The following NFATC2 variants were observed in gnomAD, a reference collection of about 807,000 sequenced individuals.
The protein encoded by NFATC2 is nuclear factor of activated T-cells, cytoplasmic 2.
In NFATC2, 22 loss-of-function variants were observed where a neutral mutation model predicts 87.3. That is an observed-to-expected ratio of 0.25 (90% CI 0.18 to 0.36). The LOEUF (loss-of-function observed/expected upper bound fraction) is 0.36, where lower values mean the gene tolerates loss of function less well. Ranked by LOEUF, NFATC2 falls within the 10% of genes least tolerant of loss-of-function variation. The pLI, the probability that NFATC2 is intolerant of heterozygous loss-of-function variation, is 1.00. For synonymous variants in NFATC2, 565 were observed against 542.2 expected (o/e 1.04, Z -0.58); for missense variants, 1,149 against 1,259.1 (o/e 0.91, Z 1.32).
chr20:51,477,553 ATATATATATATATATATATATAT>A (rs1451401138), intron 3 of NFATC2, among the ~76,000 whole-genome samples: 1,650 of 116,144 alleles, frequency 0.014, 57 homozygotes, highest in African/African-American at 0.043. Flanking sequence ...ATATATATAT[ATATATATATATATATATATATAT>A]ATATAAAATA....
At chr20:51,463,981 CA>C (rs10711232) in intron 5 of NFATC2, among the ~76,000 whole-genome samples, 21,593 of 150,316 alleles carry the variant, frequency 0.14, 1,930 homozygotes, top group African/African-American at 0.25. Flanking sequence ...CTGGGCTCTC[CA>C]AAAAAAAACA....
At chr20:51,537,219 AGAGGGAGTG>A (rs2076735243) in intron 1 of NFATC2, among the ~76,000 whole-genome samples, 1 of 81,218 alleles carries the variant, frequency 1.2e-5, no homozygotes, top group African/African-American at 4.9e-5. Flanking sequence ...GGGGGATATG[AGAGGGAGTG>A]GAGAGGGGAG....
intron 5 of NFATC2, among the ~76,000 whole-genome samples, chr20:51,463,604 G>A (rs937507525): frequency 6.6e-6 from 1 of 152,130 alleles, no homozygotes; most frequent in Admixed American, 6.6e-5. Context: ...AGGAACCCAG[G>A]CAGCCGGGAC....
rs77669434 is a variant in NFATC2 at position 51,429,191 on chromosome 20, C to A, written c.2722+2876G>T. 7.2e-5 allele frequency among the ~76,000 whole-genome samples: 11 copies of A among 152,342 alleles called. No homozygotes were observed. In the East Asian group the frequency reaches 1.7e-3, roughly 24 times the overall value. ...GACGGGCTAGGAGAATTTGAAATTG[C>A]AGCAGTTCAGAGACAAAACTGCACC... On this transcript the variant is annotated intron_variant, in intron 9 of 10. Transcript: ENST00000371564.
At chr20:51,397,468 G>T (rs1051173875) in intron 10 of NFATC2, among the ~76,000 whole-genome samples, 1 of 152,198 alleles carries the variant, frequency 6.6e-6, no homozygotes, top group Admixed American at 6.5e-5. Context: ...GGCCTGAGCC[G>T]CTGGCTTGCC....
chr20:51,418,951 A>ACCCCCCCCCCC (rs138137281), intron 9 of NFATC2, among the ~76,000 whole-genome samples: 9 of 145,870 alleles, frequency 6.2e-5, no homozygotes, highest in East Asian at 2.2e-4. Flanking sequence ...GGCGTGAGCC[A>ACCCCCCCCCCC]CCCCCACCGC....
chr20:51,431,990 C>G, intron 9 of NFATC2, 77 bp downstream of exon 9: 1 of 1,410,948 alleles, frequency 7.1e-7, no homozygotes, highest in Non-Finnish European at 9.6e-7. Flanking sequence ...AATCCGTAGG[C>G]CATGCAGTGA....
chr20:51,428,549 A>G (rs1023647608), intron 9 of NFATC2, among the ~76,000 whole-genome samples: 1 of 152,234 alleles, frequency 6.6e-6, no homozygotes, highest in South Asian at 2.1e-4. Flanking sequence ...AAGGGCTGAG[A>G]TAAAGCACAG....
Position 51,432,048 on chromosome 20 carries a change from C to A in NFATC2, c.2722+19G>T, listed in dbSNP as rs537923971. On this transcript the variant is annotated intron_variant, in intron 9 of 10. Coordinates refer to ENST00000371564, the MANE Select transcript of NFATC2 (RefSeq NM_012340.5). This position sits in a 1 kb window ranked among gnomAD's most constrained non-coding sequence, Gnocchi z 4.6. The stretch of plus-strand genomic sequence containing the variant: ...AGGGCACCATCCTTACAGGCAGTGA[C>A]AAAACTCAAGCGTCTTACCATCATC... 6.6e-7 allele frequency: 1 copy of A among 1,511,808 alleles called. No individual in the cohort carries two copies. The highest frequency in any genetic ancestry group is 8.9e-7 in the Non-Finnish European group (1 of 1,128,798). The allele number at this position is 1,511,808 out of a possible 1,614,324, so 93.6% of individuals were successfully genotyped here.
intron 9 of NFATC2, among the ~76,000 whole-genome samples, chr20:51,403,445 ACAGAACCTTC>A (rs1555868538): frequency 6.6e-6 from 1 of 152,216 alleles, no homozygotes; most frequent in Non-Finnish European, 1.5e-5. Context: ...GAACAGGCAG[ACAGAACCTTC>A]ACTCCTGATT....
chr20:51,458,800 G>A (rs6096439), intron 5 of NFATC2, among the ~76,000 whole-genome samples: 24,216 of 151,942 alleles, frequency 0.16, 2,348 homozygotes, highest in African/African-American at 0.27. Flanking sequence ...GCGACAGAGC[G>A]AGACTCCTCT....
At chr20:51,456,564 C>A (rs561623422) in intron 5 of NFATC2, among the ~76,000 whole-genome samples, 2 of 152,330 alleles carry the variant, frequency 1.3e-5, no homozygotes, top group African/African-American at 4.8e-5. Flanking sequence ...AGAAACAGAT[C>A]CCAGCCACAG....
chr20:51,436,393 ATTT>A (rs11481937), intron 6 of NFATC2, among the ~76,000 whole-genome samples: 1 of 142,472 alleles, frequency 7.0e-6, no homozygotes, highest in Non-Finnish European at 1.5e-5. Flanking sequence ...CTATCTTTCT[ATTT>A]TTTTTTTTTT....
chr20:51,515,581 C>G (rs1051328358), intron 3 of NFATC2, among the ~76,000 whole-genome samples: 1 of 151,878 alleles, frequency 6.6e-6, no homozygotes, highest in African/African-American at 2.4e-5. Context: ...AGAATGCAGT[C>G]GACAACTACT....
At chr20:51,514,518 T>G (rs1190918740) in intron 3 of NFATC2, among the ~76,000 whole-genome samples, 2 of 152,186 alleles carry the variant, frequency 1.3e-5, no homozygotes, top group East Asian at 3.8e-4. Flanking sequence ...ATGCAAATGT[T>G]AGAATTACAA....
intron 3 of NFATC2, among the ~76,000 whole-genome samples, chr20:51,507,696 C>T (rs945242462): frequency 9.2e-5 from 14 of 152,360 alleles, no homozygotes; most frequent in African/African-American, 3.1e-4. Flanking sequence ...TCGAACCACC[C>T]GCTTCGTCTA....
At chr20:51,515,957 T>C (rs1308446295) in intron 3 of NFATC2, among the ~76,000 whole-genome samples, 2 of 152,182 alleles carry the variant, frequency 1.3e-5, no homozygotes, top group Non-Finnish European at 2.9e-5. Context: ...ATAGGATACT[T>C]CTACTTTAAG....
intron 1 of NFATC2, among the ~76,000 whole-genome samples, chr20:51,526,040 TC>T (rs1825942387): frequency 6.7e-6 from 1 of 148,490 alleles, no homozygotes; most frequent in African/African-American, 2.5e-5. Context: ...CTGGAAACCC[TC>T]CCCGCGAGAT....
rs775273644 is a variant in NFATC2, at chr20:51,524,804, G to C, written c.131-694C>G. ...AAATGAGGAAACTGAGGCCCAGAGC[G>C]GGGAAAAGGCCCACCGAAAGATACG... On this transcript the variant is annotated intron_variant, in intron 1 of 10. Coordinates refer to ENST00000371564, the MANE Select transcript of NFATC2 (RefSeq NM_012340.5). The surrounding 1 kb of genome is among the most constrained non-coding windows in gnomAD (Gnocchi z 4.0). 6.6e-6 allele frequency among the ~76,000 whole-genome samples: 1 copy of C among 152,090 alleles called. No homozygotes were observed. The highest frequency in any genetic ancestry group is 2.4e-5 in the African/African-American group (1 of 41,392).
Sources: gnomAD v4.1 joint callset for allele counts (sites outside exome capture counted in the v4.1 genomes callset) on GRCh38, gnomAD v4.1.1 for gene constraint, Gnocchi (gnomAD v3.1) non-coding constraint, MANE v1.5 for transcripts, NCBI Gene and HGNC (gene_info 2026-07-23, HGNC 2026-07-21) for gene names.